The following LPAR1 variants were observed in gnomAD, a reference collection of about 807,000 sequenced individuals.
LPAR1 encodes lysophosphatidic acid receptor 1.
Under a neutral mutation model 23.8 loss-of-function variants are expected in LPAR1, and 5 were observed. That is an observed-to-expected ratio of 0.21 (90% CI 0.11 to 0.44). The LOEUF (loss-of-function observed/expected upper bound fraction) is 0.44. LPAR1 is among the 20% of genes least tolerant of loss of function. The pLI is 0.99. For synonymous variants in LPAR1, 160 were observed against 164.7 expected (o/e 0.97, Z 0.22); for missense variants, 311 against 482.8 (o/e 0.64, Z 3.33).
chr9:110,880,409 A>G (rs1334925392), intron 5 of LPAR1, among the ~76,000 whole-genome samples: 3 of 152,182 alleles, frequency 2.0e-5, no homozygotes, highest in African/African-American at 7.2e-5. Context: ...TGGTCTCACA[A>G]TTACAGTCTT....
At chr9:110,976,336 CA>C (rs11356512) in intron 2 of LPAR1, among the ~76,000 whole-genome samples, 63,971 of 126,708 alleles carry the variant, frequency 0.5, 15,596 homozygotes, top group Non-Finnish European at 0.58. Flanking sequence ...ACTAAAAATA[CA>C]AAAAAAAAAA....
chr9:110,906,716 C>T (rs549164743), intron 5 of LPAR1, among the ~76,000 whole-genome samples: 2 of 152,140 alleles, frequency 1.3e-5, no homozygotes, highest in East Asian at 3.9e-4. Context: ...TGATTTTCTT[C>T]TAGAATGAAA....
At chr9:110,919,739 T>A (rs1403588044) in intron 5 of LPAR1, among the ~76,000 whole-genome samples, 1 of 152,190 alleles carries the variant, frequency 6.6e-6, no homozygotes, top group African/African-American at 2.4e-5. Flanking sequence ...TGGAGAACCA[T>A]CACATGACAC....
At chr9:110,999,267 G>A in intron 2 of LPAR1, 1 of 268,570 alleles carries the variant, frequency 3.7e-6, no homozygotes, top group Non-Finnish European at 7.5e-6. Context: ...GAACCTGGGA[G>A]TAATATCTAT....
chr9:111,031,807 G>A (rs1196946105), intron 2 of LPAR1, among the ~76,000 whole-genome samples: 1 of 152,148 alleles, frequency 6.6e-6, no homozygotes, highest in African/African-American at 2.4e-5. Context: ...AATATTTCAA[G>A]CATATAAAAT....
intron 5 of LPAR1, among the ~76,000 whole-genome samples, chr9:110,918,585 A>G (rs2093382549): frequency 6.6e-6 from 1 of 152,148 alleles, no homozygotes; most frequent in Admixed American, 6.5e-5. Flanking sequence ...AGGTGAGTGG[A>G]CAGAAGGAAC....
intron 2 of LPAR1, among the ~76,000 whole-genome samples, chr9:110,995,346 T>G (rs2096977177): frequency 6.6e-6 from 1 of 152,080 alleles, no homozygotes; most frequent in Non-Finnish European, 1.5e-5. Flanking sequence ...AAGTCTAGAC[T>G]TATACATCCT....
At chr9:110,920,027 G>A (rs2093509307) in intron 5 of LPAR1, among the ~76,000 whole-genome samples, 1 of 152,168 alleles carries the variant, frequency 6.6e-6, no homozygotes, top group South Asian at 2.1e-4. Flanking sequence ...CAAAGGAGGA[G>A]GCAACGTTTC....
chr9:111,034,394 C>CA lies in LPAR1; in HGVS notation c.-182+1727dup, dbSNP rs200189671. ...ATTAACCAGCAAGCCCTTCCCTAAA[C>CA]AAAAAAGAGAGGGGAAAAAAAATGT... On this transcript the variant is annotated intron_variant, in intron 2 of 5. Coordinates refer to ENST00000683809, the MANE Select transcript of LPAR1 (RefSeq NM_001351411.2). Among the ~76,000 whole-genome samples the CA allele has an allele frequency of 2.7e-3, 409 of 151,702 alleles. 1 individual carries two copies. The highest frequency in any genetic ancestry group is 9.0e-3 in the African/African-American group (372 of 41,490).
intron 5 of LPAR1, among the ~76,000 whole-genome samples, chr9:110,933,968 C>T (rs16915559): frequency 0.015 from 2,306 of 152,180 alleles, 64 homozygotes; most frequent in African/African-American, 0.051. Flanking sequence ...CTGTTTTGAC[C>T]CAAGCCCAGG....
intron 2 of LPAR1, among the ~76,000 whole-genome samples, chr9:111,012,204 T>G (rs2097344031): frequency 6.6e-6 from 1 of 152,144 alleles, no homozygotes; most frequent in Non-Finnish European, 1.5e-5. Context: ...TGAGCAGTTA[T>G]CATGCCACTG....
rs766395155 is a variant in LPAR1, at chr9:110,941,345, C to A, written c.793+76G>T. On this transcript the variant is annotated intron_variant, in intron 5 of 5. Coordinates refer to ENST00000683809, the MANE Select transcript of LPAR1 (RefSeq NM_001351411.2). This position sits in a 1 kb window ranked among gnomAD's most constrained non-coding sequence, Gnocchi z 6.1. Reference sequence around the variant, plus strand: ...GGTGAATATTCATACTGTTGGTTACCTCTGACATAAAATAATGTGGTTTAT... The same window carrying A: ...GGTGAATATTCATACTGTTGGTTACATCTGACATAAAATAATGTGGTTTAT... 7.4e-7 allele frequency: 1 copy of A among 1,346,122 alleles called. No homozygotes were observed. The highest frequency in any genetic ancestry group is 1.4e-5 in the South Asian group (1 of 71,894). The allele number at this position is 1,346,122 out of a possible 1,614,324, so 83.4% of individuals were successfully genotyped here.
chr9:111,012,610 G>A lies in LPAR1; in HGVS notation c.-182+23512C>T, dbSNP rs866621248. On this transcript the variant is annotated intron_variant, in intron 2 of 5. Transcript: ENST00000683809. Reference sequence around the variant, plus strand: ...CTGGTAATCACATCTTTCAGTTCCAGTCCAAGCTTGTCCCCTAAAGAAGAA... The same window carrying A: ...CTGGTAATCACATCTTTCAGTTCCAATCCAAGCTTGTCCCCTAAAGAAGAA... Among the ~76,000 whole-genome samples the A allele has an allele frequency of 2.6e-5, 4 of 152,056 alleles. No individual in the cohort carries two copies. The South Asian group carries it at 8.3e-4, about 31-fold the overall frequency.
intron 2 of LPAR1, among the ~76,000 whole-genome samples, chr9:111,009,707 T>C: frequency 6.6e-6 from 1 of 151,956 alleles, no homozygotes; most frequent in South Asian, 2.1e-4. Context: ...TATATATATG[T>C]ATTTGAGTAT....
intron 4 of LPAR1, among the ~76,000 whole-genome samples, chr9:110,946,196 C>T (rs1266678058): frequency 6.6e-6 from 1 of 151,832 alleles, no homozygotes; most frequent in Non-Finnish European, 1.5e-5. Context: ...ATGACAAGAA[C>T]AAAAGAAAAG....
At chr9:110,954,968 G>GT (rs2095689635) in intron 4 of LPAR1, among the ~76,000 whole-genome samples, 2 of 152,100 alleles carry the variant, frequency 1.3e-5, no homozygotes, top group South Asian at 4.1e-4. Flanking sequence ...GAATTCATAT[G>GT]TTACCACTAA....
intron 2 of LPAR1, among the ~76,000 whole-genome samples, chr9:110,975,886 A>G (rs2096543688): frequency 6.6e-6 from 1 of 152,226 alleles, no homozygotes; most frequent in South Asian, 2.1e-4. Context: ...CACACATTAC[A>G]AGAACGCTTT....
At chr9:110,975,729 T>C (rs1221379686) in intron 2 of LPAR1, among the ~76,000 whole-genome samples, 1 of 152,214 alleles carries the variant, frequency 6.6e-6, no homozygotes, top group African/African-American at 2.4e-5. Flanking sequence ...TTTTAACCAT[T>C]TAACCCTCAT....
In LPAR1 at chr9:110,982,855, T is replaced by TAC. The variant is rs1266977213; in HGVS notation, c.-181-9299_-181-9298dup. Among the ~76,000 whole-genome samples the TAC allele has an allele frequency of 8.0e-3, 744 of 92,688 alleles. 2 individuals carry two copies. Among genetic ancestry groups the TAC allele is most frequent in the Non-Finnish European group, 0.011 (473 of 43,538 alleles). 60.8% of individuals were successfully genotyped at this position (92,688 alleles called of 152,430 possible). A position where few individuals can be genotyped will look rare whatever the true frequency, so the allele number is the denominator to read the frequency against. On this transcript the variant is annotated intron_variant, in intron 2 of 5. Coordinates refer to ENST00000683809, the MANE Select transcript of LPAR1 (RefSeq NM_001351411.2). ...GTAGACACTTCTACAAAAATGTATATACACATACACACACACACACACACA... is the reference window on the plus strand; with the variant it reads ...GTAGACACTTCTACAAAAATGTATATACACACATACACACACACACACACACA...
Sources: gnomAD v4.1 joint callset for allele counts (sites outside exome capture counted in the v4.1 genomes callset) on GRCh38, gnomAD v4.1.1 for gene constraint, Gnocchi (gnomAD v3.1) non-coding constraint, MANE v1.5 for transcripts, NCBI Gene and HGNC (gene_info 2026-07-23, HGNC 2026-07-21) for gene names.